The following MAST2 variants were observed in gnomAD, a reference collection of about 807,000 sequenced individuals.
MAST2 encodes the protein microtubule-associated serine/threonine-protein kinase 2.
In MAST2, 70 loss-of-function variants were observed where a neutral mutation model predicts 147.4. The ratio of observed to expected loss-of-function variants is 0.47; its 90% CI spans 0.39 to 0.58. The LOEUF is 0.58. Ranked by LOEUF, MAST2 falls within the 20% of genes least tolerant of loss-of-function variation. MAST2 has a pLI of 0.00. For missense variants in MAST2, 2,080 were observed against 2,302.3 expected (o/e 0.90, Z 1.98); for synonymous variants, 869 against 896.8 (o/e 0.97, Z 0.55).
Position 45,803,714 on chromosome 1 carries a change from G to C in MAST2, c.-182G>C. The C allele has an allele frequency of 2.8e-6, 1 of 351,080 alleles. No individual in the cohort carries two copies. The highest frequency in any genetic ancestry group is 5.1e-6 in the Non-Finnish European group (1 of 197,310). The allele number at this position is 351,080 out of a possible 1,614,324, so 21.7% of individuals were successfully genotyped here. A position where few individuals can be genotyped will look rare whatever the true frequency, so the allele number is the denominator to read the frequency against. On this transcript the variant is annotated 5_prime_UTR_variant, in exon 1 of 29. Coordinates refer to ENST00000361297, the MANE Select transcript of MAST2 (RefSeq NM_015112.3). ...CTGTCTCTTCCGTGAGGAGCGCAGAGGAGGTCGCGGCGCCGGAGGCCCCAG... is the reference window on the plus strand; with the variant it reads ...CTGTCTCTTCCGTGAGGAGCGCAGACGAGGTCGCGGCGCCGGAGGCCCCAG...
rs747345224 is a variant in MAST2, at chr1:46,030,576, C to G, written c.2554-31C>G. ...CACTTGGGAGGTACGGCTGCCAGAGCCCATCCCCAGCGCATCCCCTGTGCC... is the reference window on the plus strand; with the variant it reads ...CACTTGGGAGGTACGGCTGCCAGAGGCCATCCCCAGCGCATCCCCTGTGCC... On this transcript the variant is annotated intron_variant, in intron 21 of 28. Transcript: ENST00000361297. 50 of 1,573,682 alleles carry G rather than the reference C, an allele frequency of 3.2e-5. 1 individual carries two copies. In the African/African-American group the frequency reaches 4.1e-4, roughly 13 times the overall value.
intron 3 of MAST2, among the ~76,000 whole-genome samples, chr1:45,864,687 T>C (rs1319847767): frequency 6.6e-6 from 1 of 152,246 alleles, no homozygotes; most frequent in African/African-American, 2.4e-5. Flanking sequence ...ACATGGATTT[T>C]ATAAGCTTAG....
intron 5 of MAST2, 128 bp downstream of exon 5, chr1:45,959,605 CAG>C: frequency 1.4e-6 from 1 of 739,792 alleles, no homozygotes. Context: ...CTGAAGCAGA[CAG>C]AGCTCATGGG....
In MAST2 at chr1:45,933,238, C is replaced by CGG. The variant is rs71587721; in HGVS notation, c.501-26142_501-26141dup. The stretch of plus-strand genomic sequence containing the variant: ...ACCCTGTCTCTTTAAAAAAAAAAAG[C>CGG]GGGGGGGTTGGGGGGGGCAAATGTT... On this transcript the variant is annotated intron_variant, in intron 4 of 28. Coordinates refer to ENST00000361297, the MANE Select transcript of MAST2 (RefSeq NM_015112.3). 2.9e-5 allele frequency among the ~76,000 whole-genome samples: 3 copies of CGG among 104,670 alleles called. No homozygotes were observed. In the South Asian group the frequency reaches 1.1e-3, roughly 38 times the overall value. 68.7% of individuals were successfully genotyped at this position (104,670 alleles called of 152,430 possible).
At chr1:46,027,593 C>T (rs553901022) in intron 16 of MAST2, 138 bp from the exon 17 acceptor site, 12 of 847,418 alleles carry the variant, frequency 1.4e-5, no homozygotes, top group Admixed American at 5.2e-5. Context: ...ACCTGCCTGT[C>T]CCCCCAGCTG....
chr1:45,930,391 TTTTTGTTTTGTTTTG>T (rs59192448), intron 4 of MAST2, among the ~76,000 whole-genome samples: 6 of 147,164 alleles, frequency 4.1e-5, no homozygotes, highest in South Asian at 2.2e-4. Flanking sequence ...TTTTTTGTTT[TTTTTGTTTTGTTTTG>T]TTTTGTTTTG....
At chr1:45,892,640 G>T (rs1648020502) in intron 4 of MAST2, among the ~76,000 whole-genome samples, 1 of 152,118 alleles carries the variant, frequency 6.6e-6, no homozygotes, top group South Asian at 2.1e-4. Context: ...TAAAATACCT[G>T]CCGCAGTCCT....
intron 5 of MAST2, among the ~76,000 whole-genome samples, chr1:45,989,150 A>G (rs1293305764): frequency 1.3e-5 from 2 of 152,234 alleles, no homozygotes; most frequent in Non-Finnish European, 2.9e-5. Context: ...TATATTAAAC[A>G]TGAATTCTTC....
At chr1:45,862,537 T>C (rs942329528) in intron 3 of MAST2, among the ~76,000 whole-genome samples, 1 of 149,050 alleles carries the variant, frequency 6.7e-6, no homozygotes, top group Non-Finnish European at 1.5e-5. Context: ...AGTGGCACGA[T>C]CTCAGCTCTG....
At chr1:46,027,681 T>C in intron 16 of MAST2, 50 bp from the exon 17 acceptor site, 1 of 1,586,746 alleles carries the variant, frequency 6.3e-7, no homozygotes, top group East Asian at 2.3e-5. Flanking sequence ...AAATCAGTAC[T>C]CTCAGAAAAC....
intron 3 of MAST2, among the ~76,000 whole-genome samples, chr1:45,861,084 C>T (rs1645966729): frequency 6.6e-6 from 1 of 152,172 alleles, no homozygotes; most frequent in Non-Finnish European, 1.5e-5. Flanking sequence ...TTAAAGTATA[C>T]CAGTTCTCAG....
At chr1:45,875,129 AAGAG>A (rs1646547966) in intron 3 of MAST2, among the ~76,000 whole-genome samples, 1 of 152,166 alleles carries the variant, frequency 6.6e-6, no homozygotes. Flanking sequence ...GCAGAATTAT[AAGAG>A]AGAAAGGACA....
chr1:45,961,694 A>C (rs1660441225), intron 5 of MAST2, among the ~76,000 whole-genome samples: 1 of 152,228 alleles, frequency 6.6e-6, no homozygotes, highest in African/African-American at 2.4e-5. Context: ...ATACTTATCC[A>C]GCTGTTGAGA....
At position 46,023,852 on chromosome 1, in the gene MAST2, G is replaced by A. The variant is rs776195513; in HGVS notation, c.1652G>A (p.Arg551Gln). The change falls in exon 15 of 29, where the codon CGG (arginine) becomes CAG (glutamine). Residue 551 changes from arginine to glutamine, a missense_variant. Physicochemically the swap from Arg to Gln is conservative, Grantham distance 43 (BLOSUM62 1). This residue lies in a region of MAST2 where 569 missense variants were observed against 642.5 expected (regional missense o/e 0.89). Transcript: ENST00000361297. This position sits in a 1 kb window ranked among gnomAD's most constrained non-coding sequence, Gnocchi z 4.9. The stretch of plus-strand genomic sequence containing the variant: ...ATCAACAAGCAGAACCTGATCCTAC[G>A]GAACCAGATCCAGCAGGCCTTCGTG... ...KKINKQNLIL[R>Q]NQIQQAFVER... 1.9e-6 allele frequency: 3 copies of A among 1,614,130 alleles called. No homozygotes were observed. The highest frequency in any genetic ancestry group is 1.1e-5 in the South Asian group (1 of 91,072).
chr1:45,913,720 T>C (rs1198705338), intron 4 of MAST2: 2 of 1,010,162 alleles, frequency 2.0e-6, no homozygotes, highest in Non-Finnish European at 2.4e-6. Flanking sequence ...TTGCCGTAAG[T>C]TTGGGAAGCT....
In MAST2 at chr1:46,032,685, G is replaced by A. The variant is rs1321842823; in HGVS notation, c.3504G>A (p.Leu1168=). The A allele has an allele frequency of 3.1e-6, 5 of 1,614,136 alleles. No individual in the cohort carries two copies. Among genetic ancestry groups the A allele is most frequent in the Non-Finnish European group, 4.2e-6 (5 of 1,179,990 alleles). ...TCAATGGGGAACCTGTGCATGGCCTGGTGCACACGGAGGTGGTAGAGCTGA... is the reference window on the plus strand; with the variant it reads ...TCAATGGGGAACCTGTGCATGGCCTAGTGCACACGGAGGTGGTAGAGCTGA... ...THVNGEPVHG[L]VHTEVVELIL... Residue 1168 remains leucine, a synonymous_variant, in exon 26 of 29, where the codon CTG becomes CTA. Coordinates refer to ENST00000361297, the MANE Select transcript of MAST2 (RefSeq NM_015112.3).
At chr1:45,899,323 T>TTTTTTTTTA (rs1649345550) in intron 4 of MAST2, among the ~76,000 whole-genome samples, 1 of 149,476 alleles carries the variant, frequency 6.7e-6, no homozygotes, top group African/African-American at 2.5e-5. Flanking sequence ...TTTTTTTTTT[T>TTTTTTTTTA]TTTTAGATTC....
rs1277726788 is a variant in MAST2 at position 46,023,445 on chromosome 1, A to G, written c.1571+127A>G. ...CGGGGTGGACCTTCTCACTCCCAGA[A>G]GCCTCCTGGGTGGGCAGGAGTTCAG... On this transcript the variant is annotated intron_variant, in intron 14 of 28. Transcript: ENST00000361297. This position sits in a 1 kb window ranked among gnomAD's most constrained non-coding sequence, Gnocchi z 4.9. 8.3e-6 allele frequency: 7 copies of G among 845,652 alleles called. No individual in the cohort carries two copies. The highest frequency in any genetic ancestry group is 3.0e-5 in the South Asian group (2 of 66,614). 52.4% of individuals were successfully genotyped at this position (845,652 alleles called of 1,614,324 possible). A position where few individuals can be genotyped will look rare whatever the true frequency, so the allele number is the denominator to read the frequency against.
intron 4 of MAST2, among the ~76,000 whole-genome samples, chr1:45,954,823 T>TA (rs1659422217): frequency 6.6e-6 from 1 of 152,176 alleles, no homozygotes; most frequent in Non-Finnish European, 1.5e-5. Context: ...GGCCTGGAAA[T>TA]ACGATCTTTA....
Sources: gnomAD v4.1 joint callset for allele counts (sites outside exome capture counted in the v4.1 genomes callset) on GRCh38, gnomAD v4.1.1 for gene constraint, gnomAD v4.1.1 regional missense constraint, Gnocchi (gnomAD v3.1) non-coding constraint, MANE v1.5 for transcripts, NCBI Gene and HGNC (gene_info 2026-07-23, HGNC 2026-07-21) for gene names.